MAGI1: variants seen among roughly 807,000 people sequenced by gnomAD.
MAGI1 encodes the protein membrane associated guanylate kinase, WW and PDZ domain containing 1.
Under a neutral mutation model 139.9 loss-of-function variants are expected in MAGI1, and 58 were observed. That is an observed-to-expected ratio of 0.41 (90% CI 0.34 to 0.52). MAGI1 has a LOEUF of 0.52. Among genes scored for constraint, MAGI1 ranks in the 20% least tolerant of loss-of-function variants. The pLI, the probability that MAGI1 is intolerant of heterozygous loss-of-function variation, is 0.12. For synonymous variants in MAGI1, 812 were observed against 737.9 expected (o/e 1.10, Z -1.63); for missense variants, 1,874 against 1,901.6 (o/e 0.99, Z 0.27).
rs1470516527 is a variant in MAGI1 at position 65,684,020 on chromosome 3, T to A, written c.314-61932A>T. 5.5e-3 allele frequency among the ~76,000 whole-genome samples: 762 copies of A among 139,126 alleles called. 20 individuals are homozygous for A. Among genetic ancestry groups the A allele is most frequent in the Non-Finnish European group, 1.2e-3 (77 of 63,998 alleles). The allele number at this position is 139,126 out of a possible 152,430, so 91.3% of individuals were successfully genotyped here. A position where few individuals can be genotyped will look rare whatever the true frequency, so the allele number is the denominator to read the frequency against. On this transcript the variant is annotated intron_variant, in intron 1 of 22. Transcript: ENST00000402939. ...TGTCTACAAAAAAAAAAAAAAAAAA[T>A]TTAATTATCCAGGATGGATGGCATA...
At chr3:65,626,995 T>C (rs1220553257) in intron 1 of MAGI1, among the ~76,000 whole-genome samples, 1 of 152,190 alleles carries the variant, frequency 6.6e-6, no homozygotes, top group Non-Finnish European at 1.5e-5. Flanking sequence ...AAGATTTATT[T>C]TGTAAATAGA....
intron 1 of MAGI1, chr3:65,688,229 C>T: frequency 1.2e-6 from 1 of 808,226 alleles, no homozygotes; most frequent in South Asian, 1.3e-5. Context: ...AGGACATAGT[C>T]TGCTACACAG....
At chr3:65,783,258 G>T (rs60691991) in intron 1 of MAGI1, among the ~76,000 whole-genome samples, 1 of 152,046 alleles carries the variant, frequency 6.6e-6, no homozygotes, top group African/African-American at 2.4e-5. Context: ...GGACCAATAA[G>T]CTCAGAAGCA....
At chr3:65,622,129 G>A in intron 1 of MAGI1, 41 bp from the exon 2 acceptor site, 1 of 1,370,538 alleles carries the variant, frequency 7.3e-7, no homozygotes, top group Non-Finnish European at 1.0e-6. Context: ...CATCAACACA[G>A]GGCCTCCTAG....
intron 12 of MAGI1, among the ~76,000 whole-genome samples, chr3:65,416,216 G>A (rs922376236): frequency 6.6e-6 from 1 of 152,148 alleles, no homozygotes; most frequent in African/African-American, 2.4e-5. Flanking sequence ...CATACCGATT[G>A]CAAAAATAAA....
At chr3:65,689,308 G>A (rs1350991954) in intron 1 of MAGI1, among the ~76,000 whole-genome samples, 5 of 152,040 alleles carry the variant, frequency 3.3e-5, no homozygotes, top group Non-Finnish European at 5.9e-5. Flanking sequence ...ATTTTCCCAG[G>A]ATACAATAAA....
intron 2 of MAGI1, among the ~76,000 whole-genome samples, chr3:65,535,047 C>G (rs576715098): frequency 9.9e-4 from 151 of 152,048 alleles, no homozygotes; most frequent in African/African-American, 3.4e-3. Context: ...AAAAATAACT[C>G]TGGCAGAATC....
intron 1 of MAGI1, among the ~76,000 whole-genome samples, chr3:65,818,447 T>C (rs1288890246): frequency 6.6e-6 from 1 of 151,886 alleles, no homozygotes; most frequent in African/African-American, 2.4e-5. Context: ...TCAGAACAAA[T>C]AGGGGGGTCC....
At chr3:65,918,553 G>T (rs964784730) in intron 1 of MAGI1, among the ~76,000 whole-genome samples, 1 of 151,752 alleles carries the variant, frequency 6.6e-6, no homozygotes, top group Non-Finnish European at 1.5e-5. Flanking sequence ...GCTAATTTTT[G>T]TATTTTTAGT....
At chr3:65,724,908 G>A (rs1366729431) in intron 1 of MAGI1, among the ~76,000 whole-genome samples, 1 of 152,020 alleles carries the variant, frequency 6.6e-6, no homozygotes, top group African/African-American at 2.4e-5. Flanking sequence ...ACCTCCCACT[G>A]GGTCCCTCCC....
At chr3:65,379,575 C>A in intron 16 of MAGI1, 21 bp from the exon 17 acceptor site, 1 of 1,588,418 alleles carries the variant, frequency 6.3e-7, no homozygotes, top group Non-Finnish European at 8.6e-7. Context: ...GAGATGCACG[C>A]GTACATCACC....
At chr3:65,453,200 T>G in intron 6 of MAGI1, 58 bp downstream of exon 6, 1 of 1,477,564 alleles carries the variant, frequency 6.8e-7, no homozygotes, top group Non-Finnish European at 9.5e-7. Flanking sequence ...TCTTTAAAAT[T>G]TGCACATGTG....
At chr3:65,580,266 A>G (rs180711582) in intron 2 of MAGI1, among the ~76,000 whole-genome samples, 1 of 152,258 alleles carries the variant, frequency 6.6e-6, no homozygotes, top group African/African-American at 2.4e-5. Context: ...ATTTGAGATG[A>G]GACTATATAA....
intron 2 of MAGI1, among the ~76,000 whole-genome samples, chr3:65,590,362 T>C (rs1012046336): frequency 3.9e-5 from 6 of 152,154 alleles, no homozygotes; most frequent in African/African-American, 1.2e-4. Context: ...ATAACAACTA[T>C]TTGTTTGATT....
At chr3:65,741,455 T>G (rs966302491) in intron 1 of MAGI1, among the ~76,000 whole-genome samples, 4 of 152,218 alleles carry the variant, frequency 2.6e-5, no homozygotes, top group Admixed American at 6.5e-5. Flanking sequence ...ATTACAGGCC[T>G]GAGCCGCCAC....
chr3:65,635,592 G>A (rs543051503), intron 1 of MAGI1, among the ~76,000 whole-genome samples: 110 of 152,326 alleles, frequency 7.2e-4, no homozygotes, highest in African/African-American at 2.6e-3. Flanking sequence ...TTGTTTCCAT[G>A]AGCCAGCACC....
chr3:65,509,361 G>A (rs574242529), intron 2 of MAGI1, among the ~76,000 whole-genome samples: 2 of 152,174 alleles, frequency 1.3e-5, no homozygotes, highest in Admixed American at 6.5e-5. Context: ...CGACGCAGAA[G>A]ACGGGTGATT....
In MAGI1 at chr3:65,429,918, T is replaced by A. The variant is rs369326360; in HGVS notation, c.1769A>T (p.Asp590Val). Residue 590 changes from aspartate to valine, a missense_variant, in exon 12 of 23, where the codon GAT (aspartate) becomes GTT (valine). By Grantham distance (152) the Asp-to-Val change is radical (BLOSUM62 -3). Coordinates refer to ENST00000402939, the MANE Select transcript of MAGI1 (RefSeq NM_001033057.2). ...TTTACTACTGTGGCTAGCTGGTGAA[T>A]CATAGGTCTCTTGCCCATTCACAAT... Reference protein sequence around the residue: ...PIIVNGQETYDSPASHSSKTG... With the variant: ...PIIVNGQETYVSPASHSSKTG... 1 of 1,613,908 alleles carries A rather than the reference T, an allele frequency of 6.2e-7. No homozygotes were observed. Among genetic ancestry groups the A allele is most frequent in the African/African-American group, 1.3e-5 (1 of 74,914 alleles).
intron 1 of MAGI1, among the ~76,000 whole-genome samples, chr3:66,014,863 C>G (rs75377498): frequency 0.12 from 17,560 of 152,232 alleles, 1,088 homozygotes; most frequent in Middle Eastern, 0.19. Flanking sequence ...CCTTTGCTCC[C>G]ACTGTTGCCT....
Sources: allele counts gnomAD v4.1 joint callset (sites outside exome capture counted in the v4.1 genomes callset), GRCh38; gene constraint gnomAD v4.1.1; transcripts MANE v1.5; gene names NCBI Gene and HGNC (gene_info 2026-07-23, HGNC 2026-07-21).